PHF14: variants seen among roughly 807,000 people sequenced by gnomAD.
The protein encoded by PHF14 is PHD finger protein 14.
Under a neutral mutation model 117.9 loss-of-function variants are expected in PHF14, and 55 were observed. The ratio of observed to expected loss-of-function variants is 0.47; its 90% confidence interval spans 0.38 to 0.58. The LOEUF is 0.58. PHF14 is among the 20% of genes least tolerant of loss of function. The pLI is 0.00. For synonymous variants in PHF14, 409 were observed against 368.6 expected (o/e 1.11, Z -1.26); for missense variants, 978 against 1,122.2 (o/e 0.87, Z 1.84).
At chr7:11,063,879 T>TATTG in intron 16 of PHF14, 1 of 181,574 alleles carries the variant, frequency 5.5e-6, no homozygotes, top group Non-Finnish European at 1.1e-5. Flanking sequence ...TCTAATTGCA[T>TATTG]TATTACAATA....
chr7:11,103,035 A>C (rs1671523883), intron 16 of PHF14: 4 of 988,308 alleles, frequency 4.0e-6, no homozygotes, highest in Middle Eastern at 5.2e-4. Context: ...GTTTCCTTCA[A>C]CTTCATACAT....
intron 14 of PHF14, among the ~76,000 whole-genome samples, chr7:11,056,443 T>C (rs1785022157): frequency 6.6e-6 from 1 of 152,144 alleles, no homozygotes; most frequent in African/African-American, 2.4e-5. Context: ...GTTATGATTT[T>C]CTTTTTATTC....
chr7:11,114,801 C>A (rs1787551837), intron 17 of PHF14, among the ~76,000 whole-genome samples: 1 of 151,888 alleles, frequency 6.6e-6, no homozygotes, highest in South Asian at 2.1e-4. Flanking sequence ...ACAAAACATA[C>A]CTTCTCGCAT....
rs1490478810 is a variant in PHF14 at position 11,042,746 on chromosome 7, A to C, written c.2244A>C (p.Leu748=). 1.9e-6 allele frequency: 3 copies of C among 1,593,748 alleles called. No homozygotes were observed. The African/African-American group carries it at 4.0e-5, about 21-fold the overall frequency. The change falls in exon 13 of 18, where the codon CTA becomes CTC. Residue 748 remains leucine, a synonymous_variant. Transcript: ENST00000634607. Reference sequence around the variant, plus strand: ...TTTTATTGTGTGATACCTGTAAACTACATTACCATCTTGGATGTCTGGATC... The same window carrying C: ...TTTTATTGTGTGATACCTGTAAACTCCATTACCATCTTGGATGTCTGGATC... ...HLLLLCDTCK[L]HYHLGCLDPP... is the part of the protein sequence containing the mutation.
chr7:11,063,688 T>C, intron 16 of PHF14: 1 of 914,738 alleles, frequency 1.1e-6, no homozygotes, highest in South Asian at 5.0e-5. Context: ...TGTCATATAT[T>C]GGAAATTAGG....
chr7:11,052,252 G>C lies in PHF14; in HGVS notation c.2481+472G>C, dbSNP rs1172879436. Among the ~76,000 whole-genome samples, 3 of 152,082 alleles carry C rather than the reference G, an allele frequency of 2.0e-5. No individual in the cohort carries two copies. The East Asian group carries it at 5.8e-4, about 29-fold the overall frequency. On this transcript the variant is annotated intron_variant, in intron 14 of 17. Transcript: ENST00000634607. ...GAATGGAATCAAATGTTTTTCTCTG[G>C]TAATTTGATATTTTGACCAAAATTA...
intron 17 of PHF14, among the ~76,000 whole-genome samples, chr7:11,140,406 A>G (rs920796311): frequency 3.3e-5 from 5 of 152,144 alleles, no homozygotes; most frequent in Non-Finnish European, 7.4e-5. Flanking sequence ...ATAGTACATT[A>G]GGGCTGATAT....
At chr7:10,998,830 T>C (rs1179861918) in intron 4 of PHF14, among the ~76,000 whole-genome samples, 8 of 152,216 alleles carry the variant, frequency 5.3e-5, no homozygotes, top group Non-Finnish European at 8.8e-5. Context: ...ATCTCTATTT[T>C]TCTCTGCTTC....
intron 13 of PHF14, among the ~76,000 whole-genome samples, chr7:11,049,936 A>AC (rs1784798552): frequency 6.6e-6 from 1 of 152,192 alleles, no homozygotes; most frequent in South Asian, 2.1e-4. Flanking sequence ...TTTTCTGAGT[A>AC]ATACATGATT....
intron 17 of PHF14, among the ~76,000 whole-genome samples, chr7:11,116,262 A>G (rs1460803439): frequency 6.6e-6 from 1 of 151,888 alleles, no homozygotes; most frequent in African/African-American, 2.4e-5. Flanking sequence ...TACTGTCTCT[A>G]TCTCCATTCC....
At chr7:10,983,254 T>C in intron 3 of PHF14, 95 bp downstream of exon 3, 2 of 1,385,964 alleles carry the variant, frequency 1.4e-6, no homozygotes, top group South Asian at 2.9e-5. Flanking sequence ...TTCCTTGAAA[T>C]CCTATTTATA....
chr7:10,976,214 C>T (rs1170259489), intron 2 of PHF14, among the ~76,000 whole-genome samples: 1 of 152,116 alleles, frequency 6.6e-6, no homozygotes, highest in African/African-American at 2.4e-5. Flanking sequence ...TCATCCGCAG[C>T]AATCAAAAAT....
chr7:11,074,670 C>T (rs751093268), intron 16 of PHF14, among the ~76,000 whole-genome samples: 1 of 152,200 alleles, frequency 6.6e-6, no homozygotes, highest in Non-Finnish European at 1.5e-5. Flanking sequence ...ATCCCAAGAA[C>T]ATGCACAAAA....
intron 3 of PHF14, among the ~76,000 whole-genome samples, chr7:10,987,326 A>G (rs929949099): frequency 6.6e-6 from 1 of 152,140 alleles, no homozygotes; most frequent in African/African-American, 2.4e-5. Context: ...TTTTAATTCT[A>G]ATTTTACAGG....
chr7:11,167,516 A>G (rs1789235105), intron 17 of PHF14, among the ~76,000 whole-genome samples: 1 of 152,190 alleles, frequency 6.6e-6, no homozygotes, highest in African/African-American at 2.4e-5. Context: ...TGATTGGACT[A>G]CAACTATATA....
intron 13 of PHF14, among the ~76,000 whole-genome samples, chr7:11,050,294 A>G (rs538173338): frequency 6.6e-6 from 1 of 152,190 alleles, no homozygotes; most frequent in African/African-American, 2.4e-5. Flanking sequence ...TGATATAAAC[A>G]TATAAACTAA....
At chr7:11,007,116 C>A (rs1467921701) in intron 4 of PHF14, among the ~76,000 whole-genome samples, 4 of 151,852 alleles carry the variant, frequency 2.6e-5, no homozygotes, top group Admixed American at 2.6e-4. Context: ...GGGCTTGAAC[C>A]CAGGAGGCGG....
intron 5 of PHF14, among the ~76,000 whole-genome samples, chr7:11,019,031 A>G (rs1636755): frequency 0.42 from 63,287 of 152,040 alleles, 15,087 homozygotes; most frequent in Non-Finnish European, 0.53. Context: ...TTGATGTGAT[A>G]TATCATGTTG....
chr7:11,123,552 C>G (rs1233398277), intron 17 of PHF14, among the ~76,000 whole-genome samples: 1 of 152,122 alleles, frequency 6.6e-6, no homozygotes, highest in Non-Finnish European at 1.5e-5. Context: ...GAGGCCGAGA[C>G]AGGCAGATCA....
Sources: gnomAD v4.1 joint callset for allele counts (sites outside exome capture counted in the v4.1 genomes callset) on GRCh38, gnomAD v4.1.1 for gene constraint, MANE v1.5 for transcripts, NCBI Gene and HGNC (gene_info 2026-07-23, HGNC 2026-07-21) for gene names.